The following TMOD1 variants were observed in gnomAD, a reference collection of about 807,000 sequenced individuals.
TMOD1 encodes the protein tropomodulin-1.
TMOD1 carries 17 observed loss-of-function variants against 40.6 expected under a neutral mutation model. The observed-to-expected ratio is 0.42, with a 90% CI of 0.29 to 0.63. The LOEUF is 0.63. TMOD1 is among the 20% of genes least tolerant of loss of function. The pLI is 0.22. For missense variants in TMOD1, 391 were observed against 447.6 expected, an observed-to-expected ratio of 0.87 and a Z score of 1.14; for synonymous variants, 181 against 175.0, an observed-to-expected ratio of 1.03 and a Z score of -0.27.
chr9:97,504,295 C>G (rs1829554177), intron 1 of TMOD1, among the ~76,000 whole-genome samples: 1 of 152,086 alleles, frequency 6.6e-6, no homozygotes. Flanking sequence ...CAGGAGCTAA[C>G]AGGAGCTGAA....
At chr9:97,559,771 TTAAAAAAAAAA>T (rs1422673451) in intron 4 of TMOD1, among the ~76,000 whole-genome samples, 56 of 63,314 alleles carry the variant, frequency 8.8e-4, no homozygotes, top group East Asian at 3.2e-3. Flanking sequence ...CCTCAAAAAT[TTAAAAAAAAAA>T]AAAAAAAAAA....
At chr9:97,597,106 A>C (rs1042648059) in intron 9 of TMOD1, among the ~76,000 whole-genome samples, 1 of 152,246 alleles carries the variant, frequency 6.6e-6, no homozygotes, top group Non-Finnish European at 1.5e-5. Flanking sequence ...GAGGAGTTCA[A>C]GCAGCAGATG....
At chr9:97,536,600 G>A (rs1179927275) in intron 2 of TMOD1, among the ~76,000 whole-genome samples, 3 of 152,130 alleles carry the variant, frequency 2.0e-5, no homozygotes, top group African/African-American at 7.2e-5. Context: ...GGCCACATCT[G>A]GTTTCCAGGA....
chr9:97,501,661 C>T (rs2131198511), upstream of TMOD1: 1 of 148,266 alleles, frequency 6.7e-6, no homozygotes, highest in Admixed American at 6.7e-5. Context: ...CCCGCGGCCG[C>T]CCGGGAGCTC....
intron 3 of TMOD1, among the ~76,000 whole-genome samples, chr9:97,550,616 C>G (rs962782617): frequency 2.6e-5 from 4 of 152,168 alleles, no homozygotes; most frequent in Admixed American, 6.5e-5. Context: ...ATCTCCCTAA[C>G]AAGCCATGAT....
intron 2 of TMOD1, among the ~76,000 whole-genome samples, chr9:97,533,980 A>G (rs1054283318): frequency 6.6e-6 from 1 of 152,166 alleles, no homozygotes; most frequent in Admixed American, 6.5e-5. Flanking sequence ...GTGTAGCCCT[A>G]TAGCCATAAT....
At chr9:97,542,556 C>T (rs1346595795) in intron 2 of TMOD1, among the ~76,000 whole-genome samples, 1 of 152,068 alleles carries the variant, frequency 6.6e-6, no homozygotes, top group Non-Finnish European at 1.5e-5. Context: ...TTTTGCCCCT[C>T]AAAGGAAATT....
chr9:97,555,002 G>A (rs892874689), intron 4 of TMOD1, among the ~76,000 whole-genome samples: 3 of 151,802 alleles, frequency 2.0e-5, no homozygotes, highest in African/African-American at 7.2e-5. Context: ...CTTTCCTCAG[G>A]AGACAGGGAA....
intron 8 of TMOD1, among the ~76,000 whole-genome samples, chr9:97,585,133 C>T (rs1248645929): frequency 4.1e-4 from 62 of 150,804 alleles, no homozygotes; most frequent in Admixed American, 1.3e-3. Flanking sequence ...GATTTTGCAG[C>T]GGCTGGTACC....
intron 2 of TMOD1, among the ~76,000 whole-genome samples, chr9:97,541,861 G>T (rs996711422): frequency 6.6e-6 from 1 of 152,062 alleles, no homozygotes; most frequent in Admixed American, 6.6e-5. Flanking sequence ...AGTTGTAAGA[G>T]ATTTTTATGT....
chr9:97,548,797 C>T (rs775820742), intron 3 of TMOD1, among the ~76,000 whole-genome samples: 11 of 152,172 alleles, frequency 7.2e-5, no homozygotes, highest in South Asian at 2.1e-4. Flanking sequence ...TCATCATCAT[C>T]GTCATCATCA....
At chr9:97,528,242 C>T (rs1830046724) in intron 2 of TMOD1, among the ~76,000 whole-genome samples, 1 of 152,164 alleles carries the variant, frequency 6.6e-6, no homozygotes, top group Admixed American at 6.5e-5. Context: ...CTGACGGTCG[C>T]AGGACCCAGG....
At chr9:97,569,149 C>T in intron 8 of TMOD1, 112 bp downstream of exon 8, 2 of 1,418,000 alleles carry the variant, frequency 1.4e-6, no homozygotes, top group Non-Finnish European at 1.9e-6. Context: ...AAGCTCAGAG[C>T]CCAGCTTTGA....
intron 2 of TMOD1, among the ~76,000 whole-genome samples, chr9:97,537,040 A>T (rs557770310): frequency 6.6e-6 from 1 of 152,340 alleles, no homozygotes; most frequent in East Asian, 1.9e-4. Context: ...CATGCTAATT[A>T]TATACAGTGT....
intron 1 of TMOD1, among the ~76,000 whole-genome samples, chr9:97,503,413 A>G (rs550990105): frequency 1.3e-5 from 2 of 152,252 alleles, no homozygotes; most frequent in Non-Finnish European, 2.9e-5. Context: ...TTTTTTCTAA[A>G]GCCATCTCAA....
chr9:97,599,924 T>C lies in TMOD1; in HGVS notation c.*226T>C. ...TCACAGAAGTTGAATCTGGTTATTA[T>C]TTAAAAACTAGAAGCCCCCAAACCA... On this transcript the variant is annotated 3_prime_UTR_variant, in exon 10 of 10. Coordinates refer to ENST00000259365, the MANE Select transcript of TMOD1 (RefSeq NM_003275.4). 1 of 1,306,126 alleles carries C rather than the reference T, an allele frequency of 7.7e-7. No homozygotes were observed. Among genetic ancestry groups the C allele is most frequent in the Non-Finnish European group, 9.8e-7 (1 of 1,020,592 alleles). The allele number at this position is 1,306,126 out of a possible 1,614,324, so 80.9% of individuals were successfully genotyped here.
At position 97,542,119 on chromosome 9, in the gene TMOD1, T is replaced by C. The variant is rs561585751; in HGVS notation, c.121-4066T>C. On this transcript the variant is annotated intron_variant, in intron 2 of 9. Transcript: ENST00000259365. ...AATGTTTTATAGTGTAGTTCTTATA[T>C]CTAGGTCTTTGATTCACTTTGAGTT... Among the ~76,000 whole-genome samples, 12 of 152,354 alleles carry C rather than the reference T, an allele frequency of 7.9e-5. No homozygotes were observed. In the South Asian group the frequency reaches 1.7e-3, roughly 21 times the overall value.
chr9:97,542,602 C>A (rs1048687968), intron 2 of TMOD1, among the ~76,000 whole-genome samples: 1 of 152,086 alleles, frequency 6.6e-6, no homozygotes, highest in Admixed American at 6.5e-5. Context: ...CCTATAATTC[C>A]AGCACTTTGG....
chr9:97,558,246 T>C (rs1318363066), intron 4 of TMOD1, among the ~76,000 whole-genome samples: 1 of 152,260 alleles, frequency 6.6e-6, no homozygotes, highest in Admixed American at 6.5e-5. Flanking sequence ...ATATATGTTA[T>C]CTGTCCTTAG....
Sources: allele counts gnomAD v4.1 joint callset (sites outside exome capture counted in the v4.1 genomes callset), GRCh38; gene constraint gnomAD v4.1.1; transcripts MANE v1.5; gene names NCBI Gene and HGNC (gene_info 2026-07-23, HGNC 2026-07-21).